Variants in KCTD1 observed in about 807,000 individuals in gnomAD.
The protein encoded by KCTD1 is BTB/POZ domain-containing protein KCTD1.
In KCTD1, 24 loss-of-function variants were observed where a neutral mutation model predicts 66.0. That is an observed-to-expected ratio of 0.36 (90% CI 0.26 to 0.51). The LOEUF (loss-of-function observed/expected upper bound fraction) is 0.51, where lower values mean the gene tolerates loss of function less well. Among genes scored for constraint, KCTD1 ranks in the 20% least tolerant of loss-of-function variants. The pLI is 0.95. For missense variants in KCTD1, 943 were observed against 1,205.2 expected (o/e 0.78, Z 3.22); for synonymous variants, 511 against 517.2 (o/e 0.99, Z 0.16).
In KCTD1 at chr18:26,468,347, T is replaced by C. The variant is rs1012527416; in HGVS notation, c.2133+8168A>G. ...AATGGTGTTCTGAAATATGAAATTATCTCAAAGATGAAATGGGTATCCGGC... is the reference window on the plus strand; with the variant it reads ...AATGGTGTTCTGAAATATGAAATTACCTCAAAGATGAAATGGGTATCCGGC... On this transcript the variant is annotated intron_variant, in intron 3 of 4. Coordinates refer to ENST00000580059, the MANE Select transcript of KCTD1 (RefSeq NM_001142730.3). The surrounding 1 kb of genome is among the most constrained non-coding windows in gnomAD (Gnocchi z 4.8). 6.6e-6 allele frequency among the ~76,000 whole-genome samples: 1 copy of C among 152,224 alleles called. No individual in the cohort carries two copies. Among genetic ancestry groups the C allele is most frequent in the African/African-American group, 2.4e-5 (1 of 41,446 alleles).
intron 1 of KCTD1, among the ~76,000 whole-genome samples, chr18:26,505,836 G>A (rs1407331281): frequency 3.3e-5 from 5 of 152,030 alleles, no homozygotes; most frequent in African/African-American, 1.2e-4. Context: ...TGGAATTACA[G>A]GCATGAGCCA....
At chr18:26,580,765 T>A (rs1598950868) in intron 1 of KCTD1, among the ~76,000 whole-genome samples, 1 of 152,348 alleles carries the variant, frequency 6.6e-6, no homozygotes, top group Non-Finnish European at 1.5e-5. Context: ...TATTTTACAT[T>A]TTTTAATGGG....
rs113064200 is a variant in KCTD1 at position 26,526,872 on chromosome 18, T to TG, written c.1809+19855_1809+19856insC. The stretch of plus-strand genomic sequence containing the variant: ...CCCATTTATCTTACATTTTGGGTTT[T>TG]TTTTTTTTTTTTGTCTCCAACAACT... On this transcript the variant is annotated intron_variant, in intron 1 of 4. Transcript: ENST00000580059. Among the ~76,000 whole-genome samples the TG allele has an allele frequency of 1.0e-3, 157 of 151,444 alleles. 1 individual carries two copies. The highest frequency in any genetic ancestry group is 3.4e-3 in the African/African-American group (140 of 41,128).
intron 1 of KCTD1, among the ~76,000 whole-genome samples, chr18:26,606,713 C>T (rs546326344): frequency 3.5e-4 from 53 of 152,336 alleles, no homozygotes; most frequent in Non-Finnish European, 7.1e-4. Flanking sequence ...TGCTGGCCGA[C>T]CTCAGCTCTG....
At chr18:26,643,759 G>C (rs184640408), upstream of KCTD1, among the ~76,000 whole-genome samples, 19 of 152,218 alleles carry the variant, frequency 1.2e-4, no homozygotes, top group African/African-American at 4.1e-4. Context: ...TCAGGAGATG[G>C]AGACCATCCT....
chr18:26,517,974 G>A (rs1323516972), intron 1 of KCTD1, among the ~76,000 whole-genome samples: 1 of 152,226 alleles, frequency 6.6e-6, no homozygotes, highest in African/African-American at 2.4e-5. Context: ...CCAGGGCAAA[G>A]TGTTTTCAAA....
intron 1 of KCTD1, among the ~76,000 whole-genome samples, chr18:26,649,480 C>T (rs892288049): frequency 9.2e-5 from 14 of 152,130 alleles, no homozygotes; most frequent in African/African-American, 3.4e-4. Context: ...TCGGTTGTTT[C>T]GGTGAAGGAG....
upstream of KCTD1, among the ~76,000 whole-genome samples, chr18:26,644,105 T>C (rs900278605): frequency 1.1e-4 from 17 of 152,192 alleles, no homozygotes; most frequent in African/African-American, 4.1e-4. Context: ...CTCATCCCCG[T>C]TTCCCCTAGA....
chr18:26,628,353 C>G (rs185393410), intron 1 of KCTD1, among the ~76,000 whole-genome samples: 1 of 152,182 alleles, frequency 6.6e-6, no homozygotes, highest in African/African-American at 2.4e-5. Context: ...CACACACACA[C>G]AGACCTTTTT....
At chr18:26,646,132 C>G (rs1280194582) in intron 1 of KCTD1, among the ~76,000 whole-genome samples, 1 of 152,124 alleles carries the variant, frequency 6.6e-6, no homozygotes, top group Non-Finnish European at 1.5e-5. Flanking sequence ...TTAACACTAG[C>G]CTAATTAATA....
upstream of KCTD1, among the ~76,000 whole-genome samples, chr18:26,552,970 G>A (rs1212364598): frequency 6.6e-6 from 1 of 151,102 alleles, no homozygotes; most frequent in African/African-American, 2.4e-5. Flanking sequence ...CTTGGTTTTA[G>A]AGGTTTCTTT....
chr18:26,549,443 C>G (rs893817215), upstream of KCTD1: 5 of 985,668 alleles, frequency 5.1e-6, no homozygotes, highest in Non-Finnish European at 6.0e-6. Flanking sequence ...CAGCCAGCCC[C>G]GGGAAGGAGC....
intron 1 of KCTD1, chr18:26,599,722 T>G: frequency 5.1e-6 from 8 of 1,555,372 alleles, no homozygotes; most frequent in Non-Finnish European, 7.1e-6. Flanking sequence ...TAGATAACAA[T>G]AGCAAAGTGA....
chr18:26,487,865 T>A (rs951973693), intron 2 of KCTD1, among the ~76,000 whole-genome samples: 1 of 152,180 alleles, frequency 6.6e-6, no homozygotes, highest in Non-Finnish European at 1.5e-5. Context: ...GAAAATCATT[T>A]CAAGAAATAA....
chr18:26,609,278 A>C (rs955053883), intron 1 of KCTD1, among the ~76,000 whole-genome samples: 1 of 152,256 alleles, frequency 6.6e-6, no homozygotes, highest in Admixed American at 6.5e-5. Context: ...ATTTTAATGA[A>C]AATAGTAAAC....
intron 1 of KCTD1, among the ~76,000 whole-genome samples, chr18:26,625,286 C>T (rs528013597): frequency 6.6e-5 from 10 of 151,980 alleles, no homozygotes; most frequent in South Asian, 2.1e-4. Context: ...TTGGCAGGGG[C>T]GGGGGAGGAA....
intron 3 of KCTD1, among the ~76,000 whole-genome samples, chr18:26,469,342 T>C (rs1980926960): frequency 6.6e-6 from 1 of 152,072 alleles, no homozygotes; most frequent in Non-Finnish European, 1.5e-5. Context: ...GGTGGGTGGG[T>C]GAGTCCTTAA....
chr18:26,602,619 C>A (rs1986922352), intron 1 of KCTD1, among the ~76,000 whole-genome samples: 1 of 152,196 alleles, frequency 6.6e-6, no homozygotes. Flanking sequence ...TCACACAATT[C>A]CTCTCTCCAG....
intron 1 of KCTD1, among the ~76,000 whole-genome samples, chr18:26,529,990 C>T (rs1567982105): frequency 1.3e-5 from 2 of 152,228 alleles, no homozygotes; most frequent in African/African-American, 4.8e-5. Context: ...GCTAGACCTA[C>T]AGACAAGGAT....
Sources: gnomAD v4.1 joint callset for allele counts (sites outside exome capture counted in the v4.1 genomes callset) on GRCh38, gnomAD v4.1.1 for gene constraint, Gnocchi (gnomAD v3.1) non-coding constraint, MANE v1.5 for transcripts, NCBI Gene and HGNC (gene_info 2026-07-23, HGNC 2026-07-21) for gene names.